The following SDAD1 variants were observed in gnomAD, a reference collection of about 807,000 sequenced individuals.
The protein encoded by SDAD1 is SDA1 domain containing 1.
A neutral mutation model predicts 100.3 loss-of-function variants in SDAD1; 79 were observed. That is an observed-to-expected ratio of 0.79 (90% CI 0.66 to 0.95). The LOEUF (loss-of-function observed/expected upper bound fraction) is 0.95, where lower values mean the gene tolerates loss of function less well. SDAD1 is among the 40% of genes least tolerant of loss of function. The probability of loss-of-function intolerance (pLI) is 0.00; values close to 1 mark genes in which losing one functional copy is unlikely to be tolerated. For synonymous variants in SDAD1, 267 were observed against 271.4 expected (o/e 0.98, Z 0.16); for missense variants, 790 against 810.9 (o/e 0.97, Z 0.31).
At chr4:75,988,057 C>T (rs1731007064) in intron 1 of SDAD1, among the ~76,000 whole-genome samples, 2 of 152,218 alleles carry the variant, frequency 1.3e-5, no homozygotes, top group South Asian at 4.1e-4. Flanking sequence ...TCTAATCACC[C>T]TTCTTACTAC....
intron 1 of SDAD1, among the ~76,000 whole-genome samples, chr4:75,987,219 C>G (rs1730955605): frequency 6.6e-6 from 1 of 152,114 alleles, no homozygotes. Flanking sequence ...AGTATATTCA[C>G]CAAGTTGTAC....
chr4:75,977,501 A>G, intron 4 of SDAD1, 145 bp downstream of exon 4: 1 of 659,396 alleles, frequency 1.5e-6, no homozygotes, highest in East Asian at 2.7e-5. Flanking sequence ...AAATATGGCT[A>G]TTAACACCAT....
At chr4:75,974,303 A>G (rs1730031270) in intron 6 of SDAD1, among the ~76,000 whole-genome samples, 170 bp from the exon 7 acceptor site, 1 of 152,088 alleles carries the variant, frequency 6.6e-6, no homozygotes, top group South Asian at 2.1e-4. Flanking sequence ...CACAGGTAAA[A>G]CATTTCATCA....
chr4:75,965,630 G>A, intron 13 of SDAD1, 134 bp downstream of exon 13: 1 of 748,920 alleles, frequency 1.3e-6, no homozygotes, highest in South Asian at 1.5e-5. Flanking sequence ...TCATTTCTCA[G>A]ACCATCTGAC....
At chr4:75,978,159 C>T (rs1730262718) in intron 3 of SDAD1, among the ~76,000 whole-genome samples, 1 of 151,538 alleles carries the variant, frequency 6.6e-6, no homozygotes, top group African/African-American at 2.4e-5. Flanking sequence ...GAGTTTATGA[C>T]CTTACGAGGC....
intron 17 of SDAD1, among the ~76,000 whole-genome samples, chr4:75,959,139 A>C (rs1184327917): frequency 6.7e-6 from 1 of 149,654 alleles, no homozygotes; most frequent in African/African-American, 2.4e-5. Context: ...CCTAAAAAAA[A>C]ACTTCCGAGG....
At chr4:75,977,141 T>A (rs547829869) in intron 4 of SDAD1, among the ~76,000 whole-genome samples, 1 of 152,318 alleles carries the variant, frequency 6.6e-6, no homozygotes, top group South Asian at 2.1e-4. Context: ...TCTAGTCTTA[T>A]ATAAGCAAAT....
rs1457203469 is a variant in SDAD1 at position 75,956,038 on chromosome 4, A to G, written c.1953T>C (p.Phe651=). ...CATTCTGGCTATACCGCATCATCAT[A>G]AAGTTCTTCTGTTTTTTCTTCTCTT... ...TNKEKKKQKN[F]MMMRYSQNVR... is the part of the protein sequence containing the mutation. The change falls in exon 21 of 22, where the codon TTT becomes TTC. Residue 651 remains phenylalanine, a synonymous_variant. Transcript: ENST00000356260. The G allele has an allele frequency of 5.6e-6, 9 of 1,612,862 alleles. No homozygotes were observed. In the African/African-American group the frequency reaches 6.7e-5, roughly 12 times the overall value.
chr4:75,981,254 T>C lies in SDAD1; in HGVS notation c.294+118A>G, dbSNP rs1384715411. 8 of 911,612 alleles carry C rather than the reference T, an allele frequency of 8.8e-6. 1 individual carries two copies. Among genetic ancestry groups the C allele is most frequent in the Non-Finnish European group, 1.3e-5 (8 of 601,990 alleles). The allele number at this position is 911,612 out of a possible 1,614,324, so 56.5% of individuals were successfully genotyped here. A position where few individuals can be genotyped will look rare whatever the true frequency, so the allele number is the denominator to read the frequency against. On this transcript the variant is annotated intron_variant, in intron 3 of 21. Transcript: ENST00000356260. ...TAGAAGGATTTTTAGGAAAGGATAA[T>C]ACATTATAATTTACGTTTTCTGAAG...
chr4:75,985,518 CT>C (rs1348729309), intron 1 of SDAD1, among the ~76,000 whole-genome samples: 1 of 152,182 alleles, frequency 6.6e-6, no homozygotes, highest in African/African-American at 2.4e-5. Context: ...ACTATTCCTC[CT>C]TGTAGTCATC....
chr4:75,967,110 G>GT (rs1484375714), intron 12 of SDAD1, among the ~76,000 whole-genome samples, 167 bp downstream of exon 12: 1 of 152,082 alleles, frequency 6.6e-6, no homozygotes, highest in Admixed American at 6.6e-5. Context: ...AAAGTTGAGG[G>GT]TAACGACAAA....
At chr4:75,976,438 C>A (rs1456267348) in intron 4 of SDAD1, among the ~76,000 whole-genome samples, 2 of 152,152 alleles carry the variant, frequency 1.3e-5, no homozygotes, top group Admixed American at 1.3e-4. Flanking sequence ...ATCTTGGAAA[C>A]ATTATGCTAA....
At position 75,961,102 on chromosome 4, in the gene SDAD1, C is replaced by T; in HGVS notation, c.1282G>A (p.Val428Ile). The T allele has an allele frequency of 6.2e-7, 1 of 1,613,850 alleles. No homozygotes were observed. Among genetic ancestry groups the T allele is most frequent in the South Asian group, 1.1e-5 (1 of 91,074 alleles). Reference sequence around the variant, plus strand: ...ATCAAAGTTCTAGCAGACATCATTACATCTGTAAAATAATACTTTTAATTA... The same window carrying T: ...ATCAAAGTTCTAGCAGACATCATTATATCTGTAAAATAATACTTTTAATTA... ...AQYKTHKDKNVMMSARTLIHL... is the reference protein window; with the variant it reads ...AQYKTHKDKNIMMSARTLIHL... The change falls in exon 16 of 22, where the codon GTA (valine) becomes ATA (isoleucine). Residue 428 changes from valine (V) to isoleucine (I), a missense_variant and splice_region_variant. Physicochemically the swap from Val to Ile is conservative, Grantham distance 29. Coordinates refer to ENST00000356260, the MANE Select transcript of SDAD1 (RefSeq NM_018115.4).
At chr4:75,980,607 G>A (rs1730447194) in intron 3 of SDAD1, among the ~76,000 whole-genome samples, 1 of 152,144 alleles carries the variant, frequency 6.6e-6, no homozygotes, top group Non-Finnish European at 1.5e-5. Context: ...GCAGAGACAC[G>A]CAAAGCAAAG....
At chr4:75,982,950 C>T (rs1435414194) in intron 1 of SDAD1, among the ~76,000 whole-genome samples, 1 of 152,040 alleles carries the variant, frequency 6.6e-6, no homozygotes, top group East Asian at 1.9e-4. Context: ...CCCCTAGCCC[C>T]CCACCCCAAC....
chr4:75,981,571 G>C, intron 2 of SDAD1, 101 bp from the exon 3 acceptor site: 1 of 1,563,608 alleles, frequency 6.4e-7, no homozygotes, highest in Non-Finnish European at 8.6e-7. Context: ...AAAAGGCTAT[G>C]TTTCATAGAA....
intron 10 of SDAD1, among the ~76,000 whole-genome samples, chr4:75,969,881 A>G (rs1729766555): frequency 6.6e-6 from 1 of 152,152 alleles, no homozygotes. Flanking sequence ...GGACCCAAGC[A>G]TCAGTACAGT....
At chr4:75,984,778 A>ACACACACACACACACACACACACACAC (rs1730779567) in intron 1 of SDAD1, among the ~76,000 whole-genome samples, 1 of 137,028 alleles carries the variant, frequency 7.3e-6, no homozygotes, top group Admixed American at 7.3e-5. Flanking sequence ...CACACACACA[A>ACACACACACACACACACACACACACAC]ACACACACAC....
intron 10 of SDAD1, 66 bp from the exon 11 acceptor site, chr4:75,969,465 G>A: frequency 9.3e-7 from 1 of 1,078,200 alleles, no homozygotes; most frequent in Non-Finnish European, 1.4e-6. Flanking sequence ...TATGTAACAG[G>A]CGTAGGAAAA....
Sources: allele counts gnomAD v4.1 joint callset (sites outside exome capture counted in the v4.1 genomes callset), GRCh38; gene constraint gnomAD v4.1.1; transcripts MANE v1.5; gene names NCBI Gene and HGNC (gene_info 2026-07-23, HGNC 2026-07-21).